The following LHFPL3 variants were observed in gnomAD, a reference collection of about 807,000 sequenced individuals.
LHFPL3 encodes LHFPL tetraspan subfamily member 3.
Under a neutral mutation model 19.3 loss-of-function variants are expected in LHFPL3, and 5 were observed. That is an observed-to-expected ratio of 0.26 (90% confidence interval 0.14 to 0.54). The LOEUF is 0.54. Among genes scored for constraint, LHFPL3 ranks in the 20% least tolerant of loss-of-function variants. LHFPL3 has a pLI of 0.94. For synonymous variants in LHFPL3, 133 were observed against 126.2 expected (o/e 1.05, Z -0.36); for missense variants, 249 against 307.4 (o/e 0.81, Z 1.42).
At chr7:104,371,475 T>G (rs763352841) in intron 1 of LHFPL3, among the ~76,000 whole-genome samples, 1 of 152,220 alleles carries the variant, frequency 6.6e-6, no homozygotes, top group Non-Finnish European at 1.5e-5. Flanking sequence ...GTTTTTCTGG[T>G]TGTATTATCT....
At chr7:104,423,821 A>C (rs1032436847) in intron 1 of LHFPL3, among the ~76,000 whole-genome samples, 6 of 148,606 alleles carry the variant, frequency 4.0e-5, no homozygotes, top group African/African-American at 7.5e-5. Context: ...GCCTGGGTGA[A>C]AGAGCAAGAC....
At chr7:104,631,646 C>T (rs1584450953) in intron 1 of LHFPL3, among the ~76,000 whole-genome samples, 1 of 152,258 alleles carries the variant, frequency 6.6e-6, no homozygotes, top group East Asian at 1.9e-4. Context: ...ATATGTTGGC[C>T]TGGTTTTTAT....
At chr7:104,552,524 G>C (rs1331060105) in intron 1 of LHFPL3, among the ~76,000 whole-genome samples, 1 of 152,158 alleles carries the variant, frequency 6.6e-6, no homozygotes, top group Non-Finnish European at 1.5e-5. Flanking sequence ...CCTAGGGGTG[G>C]GGTAAAAATG....
chr7:104,386,692 C>T (rs572005313), intron 1 of LHFPL3, among the ~76,000 whole-genome samples: 41 of 152,262 alleles, frequency 2.7e-4, no homozygotes, highest in Non-Finnish European at 4.3e-4. Flanking sequence ...ACGTGTAGGA[C>T]CTCTTGGCAA....
At chr7:104,750,998 G>A (rs1296847163) in intron 2 of LHFPL3, among the ~76,000 whole-genome samples, 1 of 151,842 alleles carries the variant, frequency 6.6e-6, no homozygotes, top group Non-Finnish European at 1.5e-5. Flanking sequence ...GTTTATTTAA[G>A]ACTGGGCAAT....
At chr7:104,838,648 G>A (rs912872479) in intron 2 of LHFPL3, among the ~76,000 whole-genome samples, 8 of 152,314 alleles carry the variant, frequency 5.3e-5, no homozygotes, top group South Asian at 2.1e-4. Flanking sequence ...AAGCAGCACC[G>A]TCTTGCAAAA....
intron 1 of LHFPL3, among the ~76,000 whole-genome samples, chr7:104,695,425 A>C (rs989274050): frequency 5.3e-5 from 8 of 152,376 alleles, no homozygotes; most frequent in African/African-American, 1.9e-4. Context: ...ACTCTTATCA[A>C]GAGGGTATAT....
chr7:104,332,218 C>CTTT (rs1562866567), intron 1 of LHFPL3, among the ~76,000 whole-genome samples: 1 of 95,896 alleles, frequency 1.0e-5, no homozygotes, highest in African/African-American at 4.3e-5. Flanking sequence ...AATCCTATTT[C>CTTT]TTTTCTTTTT....
At chr7:104,497,181 G>A (rs969037217) in intron 1 of LHFPL3, among the ~76,000 whole-genome samples, 2 of 150,884 alleles carry the variant, frequency 1.3e-5, no homozygotes, top group African/African-American at 2.4e-5. Flanking sequence ...AAAAAAAAAA[G>A]CATTCTTCCC....
intron 1 of LHFPL3, among the ~76,000 whole-genome samples, chr7:104,568,211 G>A (rs1261211699): frequency 6.6e-6 from 1 of 152,162 alleles, no homozygotes; most frequent in East Asian, 1.9e-4. Context: ...TCTATAAAGA[G>A]CTACTGACTT....
At chr7:104,348,014 G>T (rs145401088) in intron 1 of LHFPL3, among the ~76,000 whole-genome samples, 1 of 152,272 alleles carries the variant, frequency 6.6e-6, no homozygotes, top group East Asian at 1.9e-4. Flanking sequence ...ATAGAGAAAG[G>T]GTTAACATAC....
intron 1 of LHFPL3, among the ~76,000 whole-genome samples, chr7:104,497,771 T>G (rs758726467): frequency 3.9e-5 from 6 of 152,158 alleles, no homozygotes; most frequent in Non-Finnish European, 5.9e-5. Context: ...TGTTGCCCAT[T>G]AATCCCATTT....
intron 2 of LHFPL3, among the ~76,000 whole-genome samples, chr7:104,804,911 C>T (rs1019711749): frequency 6.6e-6 from 1 of 152,156 alleles, no homozygotes; most frequent in Non-Finnish European, 1.5e-5. Context: ...TGTTCTAAGC[C>T]ACGAGGTTTG....
intron 2 of LHFPL3, among the ~76,000 whole-genome samples, chr7:104,770,431 G>T (rs1794531536): frequency 6.6e-6 from 1 of 152,224 alleles, no homozygotes; most frequent in East Asian, 1.9e-4. Flanking sequence ...GAAGGTAAAA[G>T]ATTGGAGAAG....
intron 2 of LHFPL3, among the ~76,000 whole-genome samples, chr7:104,886,136 TA>T (rs1792143774): frequency 6.6e-6 from 1 of 152,220 alleles, no homozygotes; most frequent in Non-Finnish European, 1.5e-5. Context: ...CATTTCACTG[TA>T]AGGTTTATGA....
At chr7:104,851,824 C>T (rs1791419717) in intron 2 of LHFPL3, among the ~76,000 whole-genome samples, 1 of 152,092 alleles carries the variant, frequency 6.6e-6, no homozygotes, top group Non-Finnish European at 1.5e-5. Context: ...ACCTAAGATC[C>T]ACATTGCCCA....
At chr7:104,423,095 A>T (rs1207398214) in intron 1 of LHFPL3, among the ~76,000 whole-genome samples, 1 of 152,138 alleles carries the variant, frequency 6.6e-6, no homozygotes, top group Admixed American at 6.5e-5. Context: ...CAGAGTGCAT[A>T]AGGTCAGTGT....
chr7:104,402,088 TA>T (rs11406584), intron 1 of LHFPL3, among the ~76,000 whole-genome samples: 1,669 of 132,166 alleles, frequency 0.013, 41 homozygotes, highest in African/African-American at 0.039. Flanking sequence ...CCGTATAAAC[TA>T]AAAAAAAAAA....
At chr7:104,331,936 C>G (rs1161426441) in intron 1 of LHFPL3, among the ~76,000 whole-genome samples, 2 of 150,630 alleles carry the variant, frequency 1.3e-5, no homozygotes, top group African/African-American at 4.9e-5. Context: ...GGAAACAGAG[C>G]GAGACCCCAT....
Sources: gnomAD v4.1 joint callset for allele counts (sites outside exome capture counted in the v4.1 genomes callset) on GRCh38, gnomAD v4.1.1 for gene constraint, MANE v1.5 for transcripts, NCBI Gene and HGNC (gene_info 2026-07-23, HGNC 2026-07-21) for gene names.